Variants in PTPRG observed in about 807,000 individuals in gnomAD.
The protein encoded by PTPRG is receptor-type tyrosine-protein phosphatase gamma.
A neutral mutation model predicts 165.3 loss-of-function variants in PTPRG; 102 were observed. That is an observed-to-expected ratio of 0.62 (90% CI 0.53 to 0.73). The LOEUF is 0.73. Among genes scored for constraint, PTPRG ranks in the 30% least tolerant of loss-of-function variants. The probability of loss-of-function intolerance (pLI) is 0.00; values close to 1 mark genes in which losing one functional copy is unlikely to be tolerated. For synonymous variants in PTPRG, 675 were observed against 669.5 expected, an observed-to-expected ratio of 1.01 and a Z score of -0.13; for missense variants, 1,866 against 1,861.4, an observed-to-expected ratio of 1.00 and a Z score of -0.05.
chr3:62,037,630 C>G (rs188549471), intron 4 of PTPRG, among the ~76,000 whole-genome samples: 2 of 152,328 alleles, frequency 1.3e-5, no homozygotes, highest in Admixed American at 6.5e-5. Flanking sequence ...TCAAATCCAT[C>G]TAGGAACTGT....
intron 1 of PTPRG, among the ~76,000 whole-genome samples, chr3:61,739,588 T>C (rs1227075275): frequency 6.6e-6 from 1 of 152,226 alleles, no homozygotes; most frequent in Non-Finnish European, 1.5e-5. Context: ...TTCAGACCTA[T>C]GTGTTCTTAT....
chr3:61,604,047 T>C (rs1700935047), intron 1 of PTPRG, among the ~76,000 whole-genome samples: 1 of 152,206 alleles, frequency 6.6e-6, no homozygotes, highest in Non-Finnish European at 1.5e-5. Context: ...AACATATGCC[T>C]GTAAACCCAG....
chr3:62,016,098 T>C (rs1285762899), intron 4 of PTPRG, among the ~76,000 whole-genome samples: 1 of 152,108 alleles, frequency 6.6e-6, no homozygotes, highest in Admixed American at 6.6e-5. Context: ...CCCCTCCTCA[T>C]AGAGTAAATT....
chr3:61,696,450 T>C (rs1475855714), intron 1 of PTPRG, among the ~76,000 whole-genome samples: 1 of 152,096 alleles, frequency 6.6e-6, no homozygotes, highest in East Asian at 1.9e-4. Context: ...TGCATTGAGC[T>C]GAGATCACAC....
intron 1 of PTPRG, among the ~76,000 whole-genome samples, chr3:61,685,174 C>T (rs140046723): frequency 1.3e-5 from 2 of 152,312 alleles, no homozygotes; most frequent in East Asian, 3.9e-4. Context: ...AATGTGCTTG[C>T]ACTTACTATG....
intron 2 of PTPRG, among the ~76,000 whole-genome samples, chr3:61,856,213 C>T (rs1041975863): frequency 2.6e-5 from 4 of 151,960 alleles, no homozygotes; most frequent in Non-Finnish European, 5.9e-5. Context: ...TTAGTATATT[C>T]GCAGTGTGAT....
Position 61,921,420 on chromosome 3 carries a change from A to G in PTPRG, c.191-68205A>G, listed in dbSNP as rs79511282. Among the ~76,000 whole-genome samples, 952 of 152,250 alleles carry G rather than the reference A, an allele frequency of 6.3e-3. 5 individuals are homozygous for G. Among genetic ancestry groups the G allele is most frequent in the African/African-American group, 0.021 (887 of 41,536 alleles). ...TCTTTAGCCCTTGGTGAGTGACATT[A>G]CAGGTTAAGCGTCCCTAATCTGAAA... On this transcript the variant is annotated intron_variant, in intron 2 of 29. Transcript: ENST00000474889.
chr3:62,165,953 T>C (rs953127749), intron 7 of PTPRG, among the ~76,000 whole-genome samples: 1 of 151,320 alleles, frequency 6.6e-6, no homozygotes, highest in Non-Finnish European at 1.5e-5. Flanking sequence ...ACCCAGAGAG[T>C]GATTTCCCTT....
At chr3:62,265,356 C>A (rs1287487097) in intron 17 of PTPRG, among the ~76,000 whole-genome samples, 1 of 151,940 alleles carries the variant, frequency 6.6e-6, no homozygotes, top group Non-Finnish European at 1.5e-5. Flanking sequence ...TAAATTTATT[C>A]CTAAGTATTT....
intron 4 of PTPRG, among the ~76,000 whole-genome samples, chr3:62,074,736 C>T (rs2106741256): frequency 1.3e-5 from 2 of 152,224 alleles, no homozygotes. Context: ...CTAGAAAGAA[C>T]AGACTTTGGG....
chr3:62,062,854 A>G (rs1700866015), intron 4 of PTPRG, among the ~76,000 whole-genome samples: 1 of 152,052 alleles, frequency 6.6e-6, no homozygotes, highest in African/African-American at 2.4e-5. Context: ...AGGTTTCACC[A>G]TGTTGCTTAG....
rs1470245577 is a variant in PTPRG, at chr3:62,222,098, ATGG to A, written c.2288+3116_2288+3118del. 2.6e-5 allele frequency among the ~76,000 whole-genome samples: 4 copies of A among 152,248 alleles called. No homozygotes were observed. Among genetic ancestry groups the A allele is most frequent in the African/African-American group, 9.6e-5 (4 of 41,468 alleles). ...AACTCACATTTGTTGAAAGCCTGCTATGGGCCAAATAGTTGGCAATATCATCAC... is the reference window on the plus strand; with the variant it reads ...AACTCACATTTGTTGAAAGCCTGCTAGCCAAATAGTTGGCAATATCATCAC... On this transcript the variant is annotated intron_variant, in intron 13 of 29. Coordinates refer to ENST00000474889, the MANE Select transcript of PTPRG (RefSeq NM_002841.4). The surrounding 1 kb of genome is among the most constrained non-coding windows in gnomAD (Gnocchi z 4.5).
At chr3:61,694,460 A>G (rs1325844984) in intron 1 of PTPRG, among the ~76,000 whole-genome samples, 3 of 152,198 alleles carry the variant, frequency 2.0e-5, no homozygotes, top group African/African-American at 7.2e-5. Context: ...CTAGACTGCA[A>G]CTGTGTCAGT....
intron 1 of PTPRG, among the ~76,000 whole-genome samples, chr3:61,600,159 C>CAAAA (rs376881197): frequency 1.1e-4 from 13 of 113,552 alleles, no homozygotes; most frequent in African/African-American, 4.4e-4. Context: ...GACATTGTCT[C>CAAAA]AAAAAAAAAA....
At chr3:62,067,662 A>G (rs1575960677) in intron 4 of PTPRG, among the ~76,000 whole-genome samples, 1 of 152,164 alleles carries the variant, frequency 6.6e-6, no homozygotes. Context: ...CAGGCATTAG[A>G]TTCTCATTAG....
intron 12 of PTPRG, among the ~76,000 whole-genome samples, chr3:62,218,425 C>T (rs1260272336): frequency 2.0e-5 from 3 of 152,182 alleles, no homozygotes; most frequent in Non-Finnish European, 4.4e-5. Context: ...ACCCATCATG[C>T]CAGCCCTCTT....
chr3:62,106,473 T>A (rs1322714877), intron 5 of PTPRG, among the ~76,000 whole-genome samples: 2 of 151,336 alleles, frequency 1.3e-5, no homozygotes, highest in Non-Finnish European at 2.9e-5. Context: ...TAGTCCTGAA[T>A]TTTTTTGGTC....
chr3:61,855,178 G>GC (rs2037065594), intron 2 of PTPRG, among the ~76,000 whole-genome samples: 1 of 152,178 alleles, frequency 6.6e-6, no homozygotes. Context: ...GATTGCAGCT[G>GC]CTGACCTTAA....
At chr3:61,973,404 T>C (rs1272737432) in intron 2 of PTPRG, among the ~76,000 whole-genome samples, 8 of 152,222 alleles carry the variant, frequency 5.3e-5, no homozygotes, top group African/African-American at 1.9e-4. Context: ...ATTCAGGGTT[T>C]AGTTCTAGAA....
Sources: allele counts gnomAD v4.1 joint callset (sites outside exome capture counted in the v4.1 genomes callset), GRCh38; gene constraint gnomAD v4.1.1; non-coding constraint Gnocchi (gnomAD v3.1); transcripts MANE v1.5; gene names NCBI Gene and HGNC (gene_info 2026-07-23, HGNC 2026-07-21).